PCLO: variants seen among roughly 807,000 people sequenced by gnomAD.
PCLO encodes piccolo presynaptic cytomatrix protein.
PCLO carries 82 observed loss-of-function variants against 427.5 expected under a neutral mutation model. The observed-to-expected ratio is 0.19, with a 90% CI of 0.16 to 0.23. The LOEUF (loss-of-function observed/expected upper bound fraction) is 0.23. Ranked by LOEUF, PCLO falls within the 10% of genes least tolerant of loss-of-function variation. The pLI is 1.00. For missense variants in PCLO, 6,239 were observed against 6,115.9 expected (o/e 1.02, Z -0.67); for synonymous variants, 2,357 against 2,155.4 (o/e 1.09, Z -2.59).
rs1795749760 is a variant in PCLO at position 82,965,688 on chromosome 7, A to G, written c.4017+83T>C. The G allele has an allele frequency of 7.2e-6, 6 of 830,142 alleles. No homozygotes were observed. The East Asian group carries it at 1.5e-4, about 21-fold the overall frequency. The allele number at this position is 830,142 out of a possible 1,614,324, so 51.4% of individuals were successfully genotyped here. ...TTTGAGGAACTTCACTTATATAATT[A>G]CCATTGAGCAACTTGTATACTTAGG... On this transcript the variant is annotated intron_variant, in intron 4 of 24. Transcript: ENST00000333891.
intron 3 of PCLO, among the ~76,000 whole-genome samples, chr7:83,022,477 T>C (rs1788369624): frequency 6.6e-6 from 1 of 152,194 alleles, no homozygotes; most frequent in South Asian, 2.1e-4. Flanking sequence ...CAGGACCCGA[T>C]TCTTCAGGAC....
At chr7:82,947,352 T>C (rs1562873794) in intron 6 of PCLO, among the ~76,000 whole-genome samples, 1 of 152,206 alleles carries the variant, frequency 6.6e-6, no homozygotes, top group Non-Finnish European at 1.5e-5. Context: ...TAACAACCTG[T>C]AAACTACTGA....
intron 16 of PCLO, among the ~76,000 whole-genome samples, chr7:82,835,339 ATGAT>A (rs1792205953): frequency 1.3e-5 from 2 of 152,190 alleles, no homozygotes; most frequent in Non-Finnish European, 2.9e-5. Flanking sequence ...AACTTAAATC[ATGAT>A]TATTATGTGA....
At chr7:82,986,718 T>C (rs531623629) in intron 3 of PCLO, among the ~76,000 whole-genome samples, 2 of 152,036 alleles carry the variant, frequency 1.3e-5, no homozygotes, top group African/African-American at 2.4e-5. Context: ...ATGTCTAAAA[T>C]GGGGATAGAT....
intron 3 of PCLO, among the ~76,000 whole-genome samples, chr7:83,018,357 A>G (rs1788260750): frequency 6.6e-6 from 1 of 151,982 alleles, no homozygotes; most frequent in Non-Finnish European, 1.5e-5. Flanking sequence ...TTGTATTAAG[A>G]GTACTTTTAT....
chr7:82,770,977 A>G (rs1562778321), intron 22 of PCLO, among the ~76,000 whole-genome samples: 1 of 152,004 alleles, frequency 6.6e-6, no homozygotes, highest in Non-Finnish European at 1.5e-5. Flanking sequence ...TCTACAGAAC[A>G]TTTTATGTGT....
At chr7:82,947,368 C>T (rs570013789) in intron 6 of PCLO, among the ~76,000 whole-genome samples, 2 of 152,074 alleles carry the variant, frequency 1.3e-5, no homozygotes, top group Non-Finnish European at 2.9e-5. Flanking sequence ...ACTGAGCTAG[C>T]CTTCTTAAAT....
chr7:82,834,217 A>C (rs1792169201), intron 16 of PCLO, among the ~76,000 whole-genome samples: 1 of 152,156 alleles, frequency 6.6e-6, no homozygotes, highest in Admixed American at 6.6e-5. Context: ...TATATATAAA[A>C]GATAGGGAGA....
chr7:82,898,227 T>A (rs1181920856), intron 9 of PCLO, among the ~76,000 whole-genome samples: 2 of 151,380 alleles, frequency 1.3e-5, no homozygotes, highest in Non-Finnish European at 3.0e-5. Context: ...AGGATCAGCA[T>A]GAAAAAGGCA....
intron 6 of PCLO, among the ~76,000 whole-genome samples, chr7:82,924,826 C>CA (rs1794676492): frequency 6.6e-6 from 1 of 151,690 alleles, no homozygotes; most frequent in Admixed American, 6.6e-5. Flanking sequence ...GGAATTAGAA[C>CA]AAAAAAATTT....
intron 2 of PCLO, among the ~76,000 whole-genome samples, chr7:83,140,900 T>C (rs1279302213): frequency 1.3e-5 from 2 of 152,194 alleles, no homozygotes; most frequent in Non-Finnish European, 2.9e-5. Context: ...CAGTTACACA[T>C]AGTAACTATA....
At chr7:82,825,721 C>T (rs1791920631) in intron 18 of PCLO, among the ~76,000 whole-genome samples, 1 of 146,722 alleles carries the variant, frequency 6.8e-6, no homozygotes, top group Admixed American at 6.9e-5. Flanking sequence ...CAATTGTATA[C>T]ACTGTATAGT....
chr7:82,812,837 A>G (rs1467538334), intron 20 of PCLO, among the ~76,000 whole-genome samples: 1 of 151,272 alleles, frequency 6.6e-6, no homozygotes, highest in Admixed American at 6.6e-5. Flanking sequence ...AAGCAGAAGC[A>G]TTTTCTTTCT....
chr7:82,837,795 A>G (rs1210471222), intron 15 of PCLO, among the ~76,000 whole-genome samples: 1 of 152,022 alleles, frequency 6.6e-6, no homozygotes, highest in Non-Finnish European at 1.5e-5. Context: ...CAACACTAAC[A>G]TAATGGAAAA....
chr7:83,146,645 G>A (rs2116655853), intron 2 of PCLO, among the ~76,000 whole-genome samples: 1 of 150,924 alleles, frequency 6.6e-6, no homozygotes, highest in Admixed American at 6.6e-5. Context: ...CACCCAGGGT[G>A]GAGTGCAGTG....
intron 20 of PCLO, among the ~76,000 whole-genome samples, chr7:82,808,178 T>G (rs938283143): frequency 2.6e-5 from 4 of 151,912 alleles, no homozygotes; most frequent in Non-Finnish European, 5.9e-5. Flanking sequence ...ATGGAAGACA[T>G]TAATTTCATC....
At chr7:82,907,959 A>C (rs956630811) in intron 8 of PCLO, among the ~76,000 whole-genome samples, 11 of 152,092 alleles carry the variant, frequency 7.2e-5, no homozygotes, top group African/African-American at 2.4e-4. Context: ...ACTGAATTAT[A>C]GTAAGTCTAT....
intron 1 of PCLO, among the ~76,000 whole-genome samples, chr7:83,157,391 T>C (rs1222383361): frequency 1.3e-5 from 2 of 152,152 alleles, no homozygotes; most frequent in Non-Finnish European, 2.9e-5. Context: ...TTACTTAGTG[T>C]TTGCTACACT....
At chr7:82,832,172 G>A (rs1792111187) in intron 16 of PCLO, among the ~76,000 whole-genome samples, 1 of 151,996 alleles carries the variant, frequency 6.6e-6, no homozygotes, top group African/African-American at 2.4e-5. Context: ...AAAATAAAAA[G>A]GTCAATACAT....
Sources: allele counts gnomAD v4.1 joint callset (sites outside exome capture counted in the v4.1 genomes callset), GRCh38; gene constraint gnomAD v4.1.1; transcripts MANE v1.5; gene names NCBI Gene and HGNC (gene_info 2026-07-23, HGNC 2026-07-21).